SVIL: variants seen among roughly 807,000 people sequenced by gnomAD.
SVIL encodes the protein supervillin, also known as archvillin.
Under a neutral mutation model 240.4 loss-of-function variants are expected in SVIL, and 101 were observed. The observed-to-expected ratio is 0.42, with a 90% CI of 0.36 to 0.50. The LOEUF (loss-of-function observed/expected upper bound fraction) is 0.50. Among genes scored for constraint, SVIL ranks in the 20% least tolerant of loss-of-function variants. The probability of loss-of-function intolerance (pLI) is 0.01; values close to 1 mark genes in which losing one functional copy is unlikely to be tolerated. For missense variants in SVIL, 2,512 were observed against 2,818.7 expected (o/e 0.89, Z 2.46); for synonymous variants, 999 against 1,100.0 (o/e 0.91, Z 1.82).
intron 34 of SVIL, among the ~76,000 whole-genome samples, chr10:29,464,053 G>A (rs1588790670): frequency 6.6e-6 from 1 of 152,330 alleles, no homozygotes; most frequent in East Asian, 1.9e-4. Context: ...ACATCTCACT[G>A]CAGACAGGTC....
intron 20 of SVIL, 100 bp from the exon 21 acceptor site, chr10:29,493,491 G>A: frequency 7.6e-7 from 1 of 1,315,144 alleles, no homozygotes; most frequent in Admixed American, 2.1e-5. Context: ...CTAAGTTCCA[G>A]GAGTGGAAGA....
intron 17 of SVIL, among the ~76,000 whole-genome samples, chr10:29,508,773 T>G (rs1474860763): frequency 6.6e-6 from 1 of 152,190 alleles, no homozygotes; most frequent in Admixed American, 6.5e-5. Context: ...ACCTCACAGC[T>G]GCAGAAGCAC....
Position 29,480,533 on chromosome 10 carries a change from T to G in SVIL, c.5377+4A>C, listed in dbSNP as rs200885430. 1 of 1,610,726 alleles carries G rather than the reference T, an allele frequency of 6.2e-7. No individual in the cohort carries two copies. The highest frequency in any genetic ancestry group is 1.7e-5 in the Admixed American group (1 of 60,006). ...GCTGGAAAAAACCACAAGCGCTCAC[T>G]AACCTGCCGTGCTCACCATGAACTT... On this transcript the variant is annotated splice_donor_region_variant and intron_variant, in intron 29 of 37. Coordinates refer to ENST00000355867, the MANE Select transcript of SVIL (RefSeq NM_021738.3).
At chr10:29,691,900 C>A (rs944231527) in intron 1 of SVIL, among the ~76,000 whole-genome samples, 1 of 152,106 alleles carries the variant, frequency 6.6e-6, no homozygotes, top group African/African-American at 2.4e-5. Context: ...AACTGAGCAG[C>A]ACGCTAAGGA....
At chr10:29,562,769 G>GAAAAAAAAAAAAAA (rs34507610) in intron 3 of SVIL, among the ~76,000 whole-genome samples, 27 of 115,716 alleles carry the variant, frequency 2.3e-4, no homozygotes, top group Non-Finnish European at 3.5e-4. Flanking sequence ...TCAAAAAAAA[G>GAAAAAAAAAAAAAA]AAAAAAAAAA....
chr10:29,617,694 G>A (rs749933404), intron 1 of SVIL, among the ~76,000 whole-genome samples: 1 of 152,154 alleles, frequency 6.6e-6, no homozygotes. Flanking sequence ...GCATCCTTAC[G>A]AGGTGACAGT....
At chr10:29,718,093 C>T (rs1362017904) in intron 1 of SVIL, among the ~76,000 whole-genome samples, 8 of 151,930 alleles carry the variant, frequency 5.3e-5, no homozygotes, top group South Asian at 2.1e-4. Context: ...TTTGGGAGGC[C>T]GAGGCGGGTG....
At position 29,616,780 on chromosome 10, in the gene SVIL, T is replaced by C. The variant is rs140682635; in HGVS notation, c.-201+17640A>G. Among the ~76,000 whole-genome samples the C allele has an allele frequency of 7.5e-3, 1,136 of 152,284 alleles. 9 individuals carry two copies. Among genetic ancestry groups the C allele is most frequent in the African/African-American group, 0.022 (926 of 41,562 alleles). On this transcript the variant is annotated intron_variant, in intron 1 of 37. Coordinates refer to ENST00000355867, the MANE Select transcript of SVIL (RefSeq NM_021738.3). Reference sequence around the variant, plus strand: ...CTGTCACACCCATGCTGGAGTGCAGTGGCGTGATCTCTGCTCACTGCAACC... The same window carrying C: ...CTGTCACACCCATGCTGGAGTGCAGCGGCGTGATCTCTGCTCACTGCAACC...
chr10:29,690,375 T>C (rs1961410117), intron 1 of SVIL, among the ~76,000 whole-genome samples: 1 of 152,164 alleles, frequency 6.6e-6, no homozygotes, highest in Non-Finnish European at 1.5e-5. Flanking sequence ...CCCATTTAAG[T>C]GGATTGACCT....
chr10:29,568,545 ACT>A (rs1168872386), intron 2 of SVIL, among the ~76,000 whole-genome samples: 1 of 152,082 alleles, frequency 6.6e-6, no homozygotes, highest in Non-Finnish European at 1.5e-5. Flanking sequence ...AAAATATCAA[ACT>A]CTATTAATAT....
chr10:29,682,229 C>T (rs1309749289), intron 2 of SVIL, among the ~76,000 whole-genome samples: 2 of 152,180 alleles, frequency 1.3e-5, no homozygotes, highest in Non-Finnish European at 2.9e-5. Flanking sequence ...GCCCCCTCCT[C>T]AGCCCTTTTG....
At chr10:29,578,671 A>G (rs748371681) in intron 1 of SVIL, among the ~76,000 whole-genome samples, 9 of 152,248 alleles carry the variant, frequency 5.9e-5, no homozygotes, top group Non-Finnish European at 8.8e-5. Context: ...CTAAAGGATT[A>G]TAAAAACTGG....
At chr10:29,495,615 G>A (rs1948376647) in intron 18 of SVIL, among the ~76,000 whole-genome samples, 1 of 152,142 alleles carries the variant, frequency 6.6e-6, no homozygotes. Context: ...GGGGAGGGAG[G>A]GACAGTGGCC....
chr10:29,505,006 C>T (rs1224389262), intron 17 of SVIL, among the ~76,000 whole-genome samples: 5 of 152,014 alleles, frequency 3.3e-5, no homozygotes, highest in African/African-American at 4.8e-5. Flanking sequence ...AAATATTATT[C>T]GACGATACAA....
At chr10:29,710,271 C>G (rs914428482) in intron 1 of SVIL, among the ~76,000 whole-genome samples, 1 of 152,300 alleles carries the variant, frequency 6.6e-6, no homozygotes, top group Admixed American at 6.5e-5. Flanking sequence ...CCAGGCTAGT[C>G]TCAAACACCT....
At chr10:29,709,972 G>A (rs1028448462) in intron 1 of SVIL, among the ~76,000 whole-genome samples, 1 of 152,180 alleles carries the variant, frequency 6.6e-6, no homozygotes, top group African/African-American at 2.4e-5. Context: ...AGATTTGGGG[G>A]TGCGCGAGAG....
chr10:29,519,079 T>C (rs1033355868), intron 16 of SVIL, among the ~76,000 whole-genome samples: 1 of 151,540 alleles, frequency 6.6e-6, no homozygotes, highest in Non-Finnish European at 1.5e-5. Flanking sequence ...CCAGACTCTA[T>C]TTCTGAGACT....
chr10:29,492,184 C>T (rs573510976), intron 21 of SVIL, among the ~76,000 whole-genome samples: 1 of 152,224 alleles, frequency 6.6e-6, no homozygotes, highest in South Asian at 2.1e-4. Context: ...CAGAGCCCCG[C>T]CTTTACCCAG....
chr10:29,696,510 C>T (rs982797890), intron 1 of SVIL, among the ~76,000 whole-genome samples: 7 of 146,594 alleles, frequency 4.8e-5, no homozygotes, highest in Non-Finnish European at 4.6e-5. Flanking sequence ...AAGTGAGGAG[C>T]GCCTCGTCCC....
Sources: gnomAD v4.1 joint callset for allele counts (sites outside exome capture counted in the v4.1 genomes callset) on GRCh38, gnomAD v4.1.1 for gene constraint, MANE v1.5 for transcripts, NCBI Gene and HGNC (gene_info 2026-07-23, HGNC 2026-07-21) for gene names.